The following ARHGEF10L variants were observed in gnomAD, a reference collection of about 807,000 sequenced individuals.
ARHGEF10L encodes the protein Rho guanine nucleotide exchange factor 10 like.
A neutral mutation model predicts 141.2 loss-of-function variants in ARHGEF10L; 69 were observed. The ratio of observed to expected loss-of-function variants is 0.49; its 90% CI spans 0.40 to 0.60. The LOEUF is 0.60. Ranked by LOEUF, ARHGEF10L falls within the 20% of genes least tolerant of loss-of-function variation. The pLI is 0.00. For synonymous variants in ARHGEF10L, 711 were observed against 718.5 expected (o/e 0.99, Z 0.17); for missense variants, 1,482 against 1,734.3 (o/e 0.85, Z 2.58).
chr1:17,565,773 C>T (rs1028559907), intron 1 of ARHGEF10L, among the ~76,000 whole-genome samples: 1 of 152,142 alleles, frequency 6.6e-6, no homozygotes, highest in Non-Finnish European at 1.5e-5. Context: ...ACTCGGGTAC[C>T]AGGACCGTGG....
intron 21 of ARHGEF10L, 125 bp from the exon 22 acceptor site, chr1:17,648,429 G>T (rs762669776): frequency 2.1e-5 from 25 of 1,217,238 alleles, no homozygotes; most frequent in Non-Finnish European, 2.6e-5. Context: ...GTAGGGTGGG[G>T]AGTGACTGGA....
rs373100667 is a variant in ARHGEF10L at position 17,635,009 on chromosome 1, G to A, written c.1920G>A (p.Gln640=). 7 of 1,614,008 alleles carry A rather than the reference G, an allele frequency of 4.3e-6. No homozygotes were observed. Among genetic ancestry groups the A allele is most frequent in the Non-Finnish European group, 5.9e-6 (7 of 1,179,932 alleles). ...SGAKKASASG[Q]AQNKVYLGPP... is the part of the protein sequence containing the mutation. ...CCAAGAAGGCCTCTGCCTCAGGGCA[G>A]GCTCAGAGTGAGTACCCCCTCTCTG... Residue 640 remains glutamine (Q), a synonymous_variant, in exon 18 of 29, where the codon CAG becomes CAA. Transcript: ENST00000361221.
chr1:17,617,721 C>T (rs1193536562), intron 9 of ARHGEF10L, among the ~76,000 whole-genome samples: 1 of 152,166 alleles, frequency 6.6e-6, no homozygotes, highest in African/African-American at 2.4e-5. Flanking sequence ...TCTCCCTGTG[C>T]CTCAGTTTCC....
chr1:17,610,951 G>T (rs991960108), intron 7 of ARHGEF10L, among the ~76,000 whole-genome samples: 29 of 147,852 alleles, frequency 2.0e-4, no homozygotes, highest in Admixed American at 1.8e-3. Flanking sequence ...AGGATCTGTG[G>T]TTTTTTTTTT....
At position 17,619,513 on chromosome 1, in the gene ARHGEF10L, C is replaced by A; in HGVS notation, c.942+68C>A. ...GGTGGCTTGGGGGTTCCAGCCTGTT[C>A]TCTGGGGCCACGCTTGTCTGGATCT... On this transcript the variant is annotated intron_variant, in intron 10 of 28. Transcript: ENST00000361221. This position sits in a 1 kb window ranked among gnomAD's most constrained non-coding sequence, Gnocchi z 5.0. 7.8e-7 allele frequency: 1 copy of A among 1,276,824 alleles called. No individual in the cohort carries two copies. The allele number at this position is 1,276,824 out of a possible 1,614,324, so 79.1% of individuals were successfully genotyped here.
chr1:17,538,726 T>TGTG (rs1054450955), upstream of ARHGEF10L, among the ~76,000 whole-genome samples: 16 of 150,554 alleles, frequency 1.1e-4, no homozygotes, highest in South Asian at 2.3e-3. Context: ...TTTTGCTGGC[T>TGTG]GTGGGCTGTA....
chr1:17,678,513 A>G (rs1571495650), intron 26 of ARHGEF10L, among the ~76,000 whole-genome samples: 2 of 144,670 alleles, frequency 1.4e-5, no homozygotes, highest in African/African-American at 5.2e-5. Context: ...TCTGCCTCCC[A>G]GGTTCAGGCG....
chr1:17,640,108 G>T, intron 20 of ARHGEF10L, 94 bp from the exon 21 acceptor site: 2 of 1,510,266 alleles, frequency 1.3e-6, no homozygotes, highest in Non-Finnish European at 1.8e-6. Flanking sequence ...TGATCTCCAG[G>T]GCGCGTGGGT....
the ARHGEF10L span, among the ~76,000 whole-genome samples, chr1:17,516,541 TGCTGCTGCC>T: frequency 6.6e-6 from 1 of 152,320 alleles, no homozygotes; most frequent in South Asian, 2.1e-4. Flanking sequence ...CCTCTGCTGC[TGCTGCTGCC>T]GTGGGAGTGG....
At chr1:17,680,088 C>G (rs1385942719) in intron 26 of ARHGEF10L, among the ~76,000 whole-genome samples, 1 of 152,004 alleles carries the variant, frequency 6.6e-6, no homozygotes, top group Non-Finnish European at 1.5e-5. Flanking sequence ...TGCCCCTGCC[C>G]CTGCCCTGCC....
chr1:17,518,802 C>CAAAAAA, the ARHGEF10L span, among the ~76,000 whole-genome samples: 1 of 99,890 alleles, frequency 1.0e-5, no homozygotes, highest in African/African-American at 4.0e-5. Flanking sequence ...GATTCTGTCT[C>CAAAAAA]AAAAAAAAAA....
At chr1:17,667,749 G>A (rs1393308178) in intron 26 of ARHGEF10L, among the ~76,000 whole-genome samples, 1 of 152,178 alleles carries the variant, frequency 6.6e-6, no homozygotes, top group Non-Finnish European at 1.5e-5. Flanking sequence ...GCGGCCCCAG[G>A]GCACAGAGCT....
chr1:17,669,293 A>G (rs1296661471), intron 26 of ARHGEF10L, among the ~76,000 whole-genome samples: 2 of 152,136 alleles, frequency 1.3e-5, no homozygotes, highest in African/African-American at 2.4e-5. Flanking sequence ...TTAATCTAGG[A>G]CTGTGTTACC....
rs956867924 is a variant in ARHGEF10L at position 17,697,790 on chromosome 1, T to A, written c.*410T>A. 3 of 372,506 alleles carry A rather than the reference T, an allele frequency of 8.1e-6. No homozygotes were observed. The highest frequency in any genetic ancestry group is 2.1e-5 in the African/African-American group (1 of 47,318). The allele number at this position is 372,506 out of a possible 1,614,324, so 23.1% of individuals were successfully genotyped here. ...TCTATAAATAAGTATATATGGTGTA[T>A]ATTATATGTGTATAAATAAAGTCTG... On this transcript the variant is annotated 3_prime_UTR_variant, in exon 29 of 29. Transcript: ENST00000361221. This position sits in a 1 kb window ranked among gnomAD's most constrained non-coding sequence, Gnocchi z 4.8.
chr1:17,550,816 G>A (rs548596702), intron 1 of ARHGEF10L, among the ~76,000 whole-genome samples: 1 of 152,044 alleles, frequency 6.6e-6, no homozygotes, highest in African/African-American at 2.4e-5. Context: ...AGCTCTGGGA[G>A]CTCTTATATT....
chr1:17,622,027 T>C lies in ARHGEF10L; in HGVS notation c.1020+86T>C. ...AACTTTATACGGAGTGTTTGGGGACTGTGGGCAGTTTTAAGGGGACAGGAC... is the reference window on the plus strand; with the variant it reads ...AACTTTATACGGAGTGTTTGGGGACCGTGGGCAGTTTTAAGGGGACAGGAC... On this transcript the variant is annotated intron_variant, in intron 11 of 28. Transcript: ENST00000361221. 9.0e-6 allele frequency: 13 copies of C among 1,443,716 alleles called. No individual in the cohort carries two copies. The South Asian group carries it at 1.2e-4, about 13-fold the overall frequency. 89.4% of individuals were successfully genotyped at this position (1,443,716 alleles called of 1,614,324 possible).
chr1:17,607,807 G>C lies in ARHGEF10L; in HGVS notation c.439G>C (p.Glu147Gln). ...GGCTGCCGCTTGGCCAGCAGGGGCA[G>C]AGAGGAACCTGCTCTACGAGGATGC... ...ESPDAHQPGA[E>Q]RNLLYEDAHR... The change falls in exon 7 of 29, where the codon GAG (glutamate) becomes CAG (glutamine). Residue 147 changes from glutamate (E) to glutamine (Q), a missense_variant. By Grantham distance (29) the Glu-to-Gln change is conservative (BLOSUM62 2). Transcript: ENST00000361221. The surrounding 1 kb of genome is among the most constrained non-coding windows in gnomAD (Gnocchi z 4.5). The C allele has an allele frequency of 6.3e-7, 1 of 1,579,962 alleles. No individual in the cohort carries two copies. The highest frequency in any genetic ancestry group is 8.6e-7 in the Non-Finnish European group (1 of 1,165,062).
intron 25 of ARHGEF10L, among the ~76,000 whole-genome samples, chr1:17,659,124 C>G (rs12072661): frequency 6.6e-6 from 1 of 152,166 alleles, no homozygotes; most frequent in Non-Finnish European, 1.5e-5. Flanking sequence ...TGGCCAAGCA[C>G]TGGGTTCCCT....
intron 12 of ARHGEF10L, among the ~76,000 whole-genome samples, chr1:17,624,051 G>A (rs536879884): frequency 1.1e-4 from 16 of 152,302 alleles, no homozygotes; most frequent in African/African-American, 3.6e-4. Flanking sequence ...AGTAGAAGGG[G>A]TGTTCCCCCT....
Sources: allele counts gnomAD v4.1 joint callset (sites outside exome capture counted in the v4.1 genomes callset), GRCh38; gene constraint gnomAD v4.1.1; non-coding constraint Gnocchi (gnomAD v3.1); transcripts MANE v1.5; gene names NCBI Gene and HGNC (gene_info 2026-07-23, HGNC 2026-07-21).